The following XPO1 variants were observed in gnomAD, a reference collection of about 807,000 sequenced individuals.
XPO1 encodes exportin-1.
XPO1 carries 5 observed loss-of-function variants against 133.3 expected under a neutral mutation model. That is an observed-to-expected ratio of 0.04 (90% confidence interval 0.02 to 0.08). The LOEUF (loss-of-function observed/expected upper bound fraction) is 0.08, where lower values mean the gene tolerates loss of function less well. XPO1 is among the 10% of genes least tolerant of loss of function. XPO1 has a pLI of 1.00. For missense variants in XPO1, 506 were observed against 1,267.5 expected, an observed-to-expected ratio of 0.40 and a Z score of 9.12; for synonymous variants, 419 against 408.2, an observed-to-expected ratio of 1.03 and a Z score of -0.32.
At chr2:61,519,270 T>G (rs1698566509) in intron 4 of XPO1, among the ~76,000 whole-genome samples, 1 of 152,142 alleles carries the variant, frequency 6.6e-6, no homozygotes. Context: ...CTTTAAAATT[T>G]TATTCTCCTG....
At chr2:61,525,522 CTCATT>C (rs771659565) in intron 3 of XPO1, 2 of 1,011,266 alleles carry the variant, frequency 2.0e-6, no homozygotes, top group Non-Finnish European at 2.4e-6. Context: ...CTCTAATCAT[CTCATT>C]TTTCACAAGA....
intron 4 of XPO1, among the ~76,000 whole-genome samples, chr2:61,514,000 T>C (rs1419941646): frequency 4.6e-5 from 7 of 151,808 alleles, no homozygotes; most frequent in South Asian, 2.1e-4. Context: ...GTGGCTAACA[T>C]GGTGAAACCC....
At chr2:61,530,315 G>C (rs527288562) in intron 2 of XPO1, among the ~76,000 whole-genome samples, 1 of 151,912 alleles carries the variant, frequency 6.6e-6, no homozygotes, top group Non-Finnish European at 1.5e-5. Flanking sequence ...TCTAGTATTT[G>C]CATTCTGATT....
At chr2:61,491,910 G>C in intron 16 of XPO1, 125 bp downstream of exon 16, 3 of 1,241,694 alleles carry the variant, frequency 2.4e-6, no homozygotes, top group East Asian at 2.5e-5. Flanking sequence ...AAGGAAAAAA[G>C]AAAGAAAATT....
Position 61,488,280 on chromosome 2 carries a change from CAG to C in XPO1, c.2207-11_2207-10del. On this transcript the variant is annotated splice_polypyrimidine_tract_variant and intron_variant, in intron 18 of 24. Transcript: ENST00000401558. ...CTTTGTAACCATTTCACCTACAAAA[CAG>C]AATCAAATGGAATCTAATTTTACCA... 4 of 1,611,164 alleles carry C rather than the reference CAG, an allele frequency of 2.5e-6. No individual in the cohort carries two copies. The highest frequency in any genetic ancestry group is 1.1e-5 in the South Asian group (1 of 90,990).
intron 19 of XPO1, among the ~76,000 whole-genome samples, chr2:61,487,076 G>A (rs959583876): frequency 4.6e-5 from 7 of 151,534 alleles, no homozygotes; most frequent in Non-Finnish European, 7.4e-5. Flanking sequence ...TCCACCTCTG[G>A]GGTTCAAGTG....
At chr2:61,519,710 A>AAAAC (rs1698593385) in intron 4 of XPO1, among the ~76,000 whole-genome samples, 5 of 150,850 alleles carry the variant, frequency 3.3e-5, no homozygotes, top group African/African-American at 1.2e-4. Context: ...AAAAAAAAAA[A>AAAAC]AAAAAAAAAA....
chr2:61,503,961 C>CT (rs1697672165), intron 4 of XPO1, among the ~76,000 whole-genome samples: 1 of 152,210 alleles, frequency 6.6e-6, no homozygotes, highest in Non-Finnish European at 1.5e-5. Flanking sequence ...CGGTGGATCG[C>CT]TTGAGGCCTA....
intron 22 of XPO1, chr2:61,482,750 C>T (rs1696460507): frequency 2.7e-6 from 2 of 737,326 alleles, no homozygotes; most frequent in Non-Finnish European, 4.2e-6. Flanking sequence ...GGATTGCAAT[C>T]ACATGCCACC....
intron 2 of XPO1, among the ~76,000 whole-genome samples, chr2:61,531,975 T>C (rs371950106): frequency 1.3e-5 from 2 of 152,222 alleles, no homozygotes; most frequent in African/African-American, 4.8e-5. Flanking sequence ...GTTTCTACTA[T>C]AGTAAAAGCA....
chr2:61,480,988 A>AT (rs59219975), intron 24 of XPO1, among the ~76,000 whole-genome samples, 197 bp downstream of exon 24: 14 of 152,310 alleles, frequency 9.2e-5, no homozygotes, highest in African/African-American at 3.4e-4. Flanking sequence ...CATCTCAAAC[A>AT]TATCTATCCT....
At chr2:61,525,877 G>T in intron 3 of XPO1, 1 of 1,047,108 alleles carries the variant, frequency 9.6e-7, no homozygotes, top group Non-Finnish European at 1.2e-6. Flanking sequence ...AGTTTAAAGA[G>T]AAGCGTGAAT....
chr2:61,493,217 G>T, intron 12 of XPO1, 164 bp from the exon 13 acceptor site: 1 of 603,730 alleles, frequency 1.7e-6, no homozygotes, highest in East Asian at 3.1e-5. Flanking sequence ...GAGGCAAAAA[G>T]AACTGTTGTG....
intron 4 of XPO1, among the ~76,000 whole-genome samples, chr2:61,520,945 G>C (rs1302008356): frequency 6.6e-6 from 1 of 152,154 alleles, no homozygotes; most frequent in Non-Finnish European, 1.5e-5. Flanking sequence ...AAGAAACAAG[G>C]AATGACTACA....
chr2:61,509,699 T>C (rs978405947), intron 4 of XPO1, among the ~76,000 whole-genome samples: 5 of 152,184 alleles, frequency 3.3e-5, no homozygotes, highest in African/African-American at 1.2e-4. Context: ...GTGAGCATAA[T>C]GCAAATATTC....
chr2:61,531,119 C>A (rs1699136313), intron 2 of XPO1, among the ~76,000 whole-genome samples: 1 of 152,180 alleles, frequency 6.6e-6, no homozygotes, highest in African/African-American at 2.4e-5. Flanking sequence ...TACTCCTTTT[C>A]CTTTGAAATA....
At chr2:61,481,679 A>G (rs1486269623) in intron 23 of XPO1, among the ~76,000 whole-genome samples, 1 of 151,800 alleles carries the variant, frequency 6.6e-6, no homozygotes, top group African/African-American at 2.4e-5. Flanking sequence ...TCCTGACCTC[A>G]GGTAATCTGC....
intron 12 of XPO1, chr2:61,493,502 G>A (rs1369084405): frequency 9.7e-6 from 2 of 206,016 alleles, no homozygotes; most frequent in African/African-American, 2.4e-5. Context: ...GCAAGACCCT[G>A]TCTCCAAAAG....
chr2:61,487,667 T>A (rs1449542504), intron 19 of XPO1, among the ~76,000 whole-genome samples: 1 of 152,210 alleles, frequency 6.6e-6, no homozygotes, highest in Non-Finnish European at 1.5e-5. Context: ...TAATTCACAA[T>A]TTTACAAGTT....
Sources: gnomAD v4.1 joint callset for allele counts (sites outside exome capture counted in the v4.1 genomes callset) on GRCh38, gnomAD v4.1.1 for gene constraint, MANE v1.5 for transcripts, NCBI Gene and HGNC (gene_info 2026-07-23, HGNC 2026-07-21) for gene names.